Variants in SCFD2 observed in about 807,000 individuals in gnomAD.
SCFD2 encodes sec1 family domain containing 2, also known as sec1 family domain-containing protein 2.
SCFD2 carries 54 observed loss-of-function variants against 58.9 expected under a neutral mutation model. That is an observed-to-expected ratio of 0.92 (90% CI 0.74 to 1.15). The LOEUF (loss-of-function observed/expected upper bound fraction) is 1.15, where lower values mean the gene tolerates loss of function less well. Ranked by LOEUF, SCFD2 falls within the 50% of genes most tolerant of loss-of-function variation. The probability of loss-of-function intolerance (pLI) is 0.00; values close to 1 mark genes in which losing one functional copy is unlikely to be tolerated. For missense variants in SCFD2, 805 were observed against 836.6 expected, an observed-to-expected ratio of 0.96 and a Z score of 0.47; for synonymous variants, 321 against 335.9, an observed-to-expected ratio of 0.96 and a Z score of 0.49.
rs78986448 is a variant in SCFD2, at chr4:52,919,240, T to C, written c.1707+1485A>G. Among the ~76,000 whole-genome samples the C allele has an allele frequency of 3.4e-3, 519 of 152,314 alleles. 4 individuals are homozygous for C. Among genetic ancestry groups the C allele is most frequent in the African/African-American group, 0.012 (501 of 41,554 alleles). ...AATGGGAAAGACCTCATTCATTTAGTGGTTTATTTTCTCTTTGCCAACTAC... is the reference window on the plus strand; with the variant it reads ...AATGGGAAAGACCTCATTCATTTAGCGGTTTATTTTCTCTTTGCCAACTAC... On this transcript the variant is annotated intron_variant, in intron 6 of 8. Coordinates refer to ENST00000401642, the MANE Select transcript of SCFD2 (RefSeq NM_152540.4).
At chr4:53,010,409 G>A (rs1722068673) in intron 5 of SCFD2, among the ~76,000 whole-genome samples, 2 of 152,180 alleles carry the variant, frequency 1.3e-5, no homozygotes, top group Non-Finnish European at 2.9e-5. Context: ...CATTGGCAAT[G>A]ACAAGAACAG....
At chr4:53,119,789 C>T (rs1319514550) in intron 5 of SCFD2, among the ~76,000 whole-genome samples, 3 of 152,154 alleles carry the variant, frequency 2.0e-5, no homozygotes, top group Non-Finnish European at 2.9e-5. Context: ...ACCCAGAACC[C>T]TGGGGCCAAT....
intron 5 of SCFD2, among the ~76,000 whole-genome samples, chr4:53,058,750 T>A (rs1723420863): frequency 6.6e-6 from 1 of 152,202 alleles, no homozygotes; most frequent in Non-Finnish European, 1.5e-5. Context: ...ACACAATGGT[T>A]GAGAACTCTC....
In SCFD2 at chr4:53,365,695, CT is replaced by C; in HGVS notation, c.246del (p.Gly83AlafsTer25). The C allele has an allele frequency of 6.2e-7, 1 of 1,614,212 alleles. No individual in the cohort carries two copies. Among genetic ancestry groups the C allele is most frequent in the South Asian group, 1.1e-5 (1 of 91,082 alleles). On this transcript the variant is annotated frameshift_variant, in exon 1 of 9. Transcript: ENST00000401642. LOFTEE classifies it high-confidence loss of function. This position sits in a 1 kb window ranked among gnomAD's most constrained non-coding sequence, Gnocchi z 4.3. ...KAVFVLSCLLKGRTVEILRDI... is the reference protein window; with the variant it reads ...KAVFVLSCLLXGRTVEILRDI... ...TCCCGTAGGATCTCCACGGTCCGGC[CT>C]TTCAGCAGGCAGCTCAGCACAAACA...
intron 5 of SCFD2, among the ~76,000 whole-genome samples, chr4:53,111,903 G>T (rs1725183748): frequency 3.3e-5 from 5 of 152,032 alleles, no homozygotes; most frequent in Admixed American, 3.3e-4. Context: ...AAGTGCATTT[G>T]GAAACAGTGA....
At chr4:52,992,266 T>C (rs1560503992) in intron 5 of SCFD2, among the ~76,000 whole-genome samples, 1 of 152,130 alleles carries the variant, frequency 6.6e-6, no homozygotes, top group Non-Finnish European at 1.5e-5. Context: ...TAACCGCGAG[T>C]GATCTGCCAG....
chr4:53,097,636 A>G (rs547200244), intron 5 of SCFD2, among the ~76,000 whole-genome samples: 1 of 152,320 alleles, frequency 6.6e-6, no homozygotes, highest in African/African-American at 2.4e-5. Context: ...GGGGTTTTCT[A>G]AATACACAAT....
At chr4:53,337,105 AT>A (rs77939388) in intron 2 of SCFD2, among the ~76,000 whole-genome samples, 16,015 of 152,166 alleles carry the variant, frequency 0.11, 949 homozygotes, top group East Asian at 0.22. Flanking sequence ...ACAGAAATTT[AT>A]TTTCTCACAG....
rs80054358 is a variant in SCFD2 at position 52,893,482 on chromosome 4, C to T, written c.1843-7616G>A. Among the ~76,000 whole-genome samples, 676 of 152,328 alleles carry T rather than the reference C, an allele frequency of 4.4e-3. 4 individuals carry two copies. The highest frequency in any genetic ancestry group is 0.016 in the African/African-American group (650 of 41,560). On this transcript the variant is annotated intron_variant, in intron 7 of 8. Coordinates refer to ENST00000401642, the MANE Select transcript of SCFD2 (RefSeq NM_152540.4). ...CTTTACTGACAGCCCATCATTTTTG[C>T]TCTGCATTCCAAAGCATCCTTTACC... is the stretch of plus-strand genomic sequence containing the variant.
chr4:53,064,735 A>T (rs1276608984), intron 5 of SCFD2, among the ~76,000 whole-genome samples: 4 of 152,102 alleles, frequency 2.6e-5, no homozygotes, highest in Non-Finnish European at 4.4e-5. Context: ...ATATCTCCTT[A>T]TGAGGTCTGA....
intron 6 of SCFD2, among the ~76,000 whole-genome samples, chr4:52,913,308 C>T (rs1719528999): frequency 1.3e-5 from 2 of 152,186 alleles, no homozygotes; most frequent in Non-Finnish European, 2.9e-5. Context: ...TCAGTATTTA[C>T]AGTTGCTTCC....
At chr4:53,361,648 C>G (rs533909520) in intron 1 of SCFD2, among the ~76,000 whole-genome samples, 1 of 152,186 alleles carries the variant, frequency 6.6e-6, no homozygotes, top group African/African-American at 2.4e-5. Context: ...TCACCAGCCT[C>G]AGCCTGGAAT....
intron 4 of SCFD2, among the ~76,000 whole-genome samples, chr4:53,201,875 T>C (rs1391463139): frequency 6.6e-6 from 1 of 152,154 alleles, no homozygotes; most frequent in Non-Finnish European, 1.5e-5. Context: ...TGGGGTTGTT[T>C]GATTTTTTCT....
intron 5 of SCFD2, among the ~76,000 whole-genome samples, chr4:53,051,404 C>A (rs887460684): frequency 3.3e-5 from 5 of 152,030 alleles, no homozygotes; most frequent in Non-Finnish European, 7.4e-5. Flanking sequence ...GGACCAGCAA[C>A]GGAGCCTCTC....
At chr4:53,231,304 A>C (rs1000128301) in intron 4 of SCFD2, among the ~76,000 whole-genome samples, 1 of 152,152 alleles carries the variant, frequency 6.6e-6, no homozygotes, top group African/African-American at 2.4e-5. Context: ...CAAGCCGCAC[A>C]ACAGCACAGA....
intron 2 of SCFD2, among the ~76,000 whole-genome samples, chr4:53,345,597 G>GTA (rs1491198281): frequency 6.6e-6 from 1 of 152,014 alleles, no homozygotes; most frequent in Non-Finnish European, 1.5e-5. Flanking sequence ...CCATTACTGG[G>GTA]TATATACCCG....
Position 53,240,864 on chromosome 4 carries a change from T to C in SCFD2, c.1311+32962A>G, listed in dbSNP as rs759292232. 5.4e-4 allele frequency among the ~76,000 whole-genome samples: 82 copies of C among 152,158 alleles called. 1 individual carries two copies. Among genetic ancestry groups the C allele is most frequent in the African/African-American group, 1.2e-4 (5 of 41,430 alleles). On this transcript the variant is annotated intron_variant, in intron 4 of 8. Transcript: ENST00000401642. ...ACAGTTTGAGATGAAGAAAAGAACA[T>C]TGAATGGACCTCTCCAAGATGGTCA...
At chr4:53,152,703 T>C (rs1486024819) in intron 4 of SCFD2, among the ~76,000 whole-genome samples, 2 of 152,130 alleles carry the variant, frequency 1.3e-5, no homozygotes, top group Non-Finnish European at 2.9e-5. Flanking sequence ...AAGTCCAAAG[T>C]CTCATCATAG....
chr4:53,347,911 A>G (rs1734102737), intron 2 of SCFD2, among the ~76,000 whole-genome samples: 1 of 152,264 alleles, frequency 6.6e-6, no homozygotes. Flanking sequence ...AGAAGCACCA[A>G]GCGCAGATGT....
Sources: gnomAD v4.1 joint callset for allele counts (sites outside exome capture counted in the v4.1 genomes callset) on GRCh38, gnomAD v4.1.1 for gene constraint, Gnocchi (gnomAD v3.1) non-coding constraint, MANE v1.5 for transcripts, NCBI Gene and HGNC (gene_info 2026-07-23, HGNC 2026-07-21) for gene names.